Variants in PNPLA1 observed in about 807,000 individuals in gnomAD.
The protein encoded by PNPLA1 is patatin like domain 1, omega-hydroxyceramide transacylase.
Under a neutral mutation model 51.7 loss-of-function variants are expected in PNPLA1, and 36 were observed. The observed-to-expected ratio is 0.70, with a 90% confidence interval of 0.53 to 0.92. The LOEUF is 0.92. Ranked by LOEUF, PNPLA1 falls within the 40% of genes least tolerant of loss-of-function variation. The pLI, the probability that PNPLA1 is intolerant of heterozygous loss-of-function variation, is 0.00. For synonymous variants in PNPLA1, 293 were observed against 280.1 expected, an observed-to-expected ratio of 1.05 and a Z score of -0.46; for missense variants, 658 against 682.5, an observed-to-expected ratio of 0.96 and a Z score of 0.40.
At chr6:36,252,536 A>AG (rs1449018858) in intron 1 of PNPLA1, among the ~76,000 whole-genome samples, 1 of 53,862 alleles carries the variant, frequency 1.9e-5, no homozygotes, top group Non-Finnish European at 3.4e-5. Context: ...ACATGGCAAA[A>AG]GGGGTCAAAA....
chr6:36,288,546 G>A (rs1003283631), intron 1 of PNPLA1, among the ~76,000 whole-genome samples: 7 of 149,494 alleles, frequency 4.7e-5, no homozygotes, highest in Non-Finnish European at 1.0e-4. Context: ...TCCGCTTCCC[G>A]GGTTCACGCC....
rs371798176 is a variant in PNPLA1 at position 36,261,411 on chromosome 6, A to G, written c.-81+18150A>G. Among the ~76,000 whole-genome samples the G allele has an allele frequency of 7.2e-4, 109 of 152,362 alleles. 3 individuals are homozygous for G. The South Asian group carries it at 0.022, about 30-fold the overall frequency. The stretch of plus-strand genomic sequence containing the variant: ...AGGCACAGAAGTGCTCCCATCCCCT[A>G]AAGAGCCTCTGAGGACAGTCTGGGC... On this transcript the variant is annotated intron_variant, in intron 1 of 7. Coordinates refer to the PNPLA1 transcript ENST00000312917.
intron 1 of PNPLA1, among the ~76,000 whole-genome samples, chr6:36,250,419 A>G (rs911306571): frequency 3.3e-5 from 5 of 152,212 alleles, no homozygotes; most frequent in Non-Finnish European, 7.3e-5. Flanking sequence ...GCTGGGTGAC[A>G]TTGCTGAGCA....
At chr6:36,248,102 C>T (rs763092603) in intron 1 of PNPLA1, among the ~76,000 whole-genome samples, 10 of 152,210 alleles carry the variant, frequency 6.6e-5, no homozygotes, top group Middle Eastern at 6.8e-3. Flanking sequence ...GTCACTTGCC[C>T]GATTGTCCAC....
chr6:36,291,896 C>A (rs1014563001), intron 2 of PNPLA1, among the ~76,000 whole-genome samples: 5 of 152,158 alleles, frequency 3.3e-5, no homozygotes, highest in African/African-American at 4.8e-5. Context: ...TGCCATGCAT[C>A]CCCCCAGAAT....
At chr6:36,302,636 G>A (rs1771100458) in intron 6 of PNPLA1, among the ~76,000 whole-genome samples, 167 bp downstream of exon 6, 1 of 152,254 alleles carries the variant, frequency 6.6e-6, no homozygotes, top group Non-Finnish European at 1.5e-5. Context: ...CAAGGGGGCA[G>A]TGTAATAGAC....
Position 36,294,759 on chromosome 6 carries a change from A to C in PNPLA1, c.714+360A>C, listed in dbSNP as rs1770806932. 6.6e-6 allele frequency among the ~76,000 whole-genome samples: 1 copy of C among 152,184 alleles called. No homozygotes were observed. Among genetic ancestry groups the C allele is most frequent in the Non-Finnish European group, 1.5e-5 (1 of 68,020 alleles). On this transcript the variant is annotated intron_variant, in intron 4 of 8. Coordinates refer to ENST00000636260, the MANE Select transcript of PNPLA1 (RefSeq NM_001374623.1). The surrounding 1 kb of genome is among the most constrained non-coding windows in gnomAD (Gnocchi z 4.2). ...ATGGCTTGTTTTTGTACAGCCTGTG[A>C]GCTAAGAAAGGGTTTTCCATTTTTA...
At chr6:36,283,078 G>A (rs566779731) in intron 1 of PNPLA1, among the ~76,000 whole-genome samples, 20 of 152,260 alleles carry the variant, frequency 1.3e-4, no homozygotes, top group South Asian at 1.0e-3. Flanking sequence ...AGAGCTCTGC[G>A]TATCCTTCAC....
At chr6:36,292,035 G>A (rs935650688) in intron 2 of PNPLA1, among the ~76,000 whole-genome samples, 1 of 152,170 alleles carries the variant, frequency 6.6e-6, no homozygotes, top group Non-Finnish European at 1.5e-5. Flanking sequence ...AAAAGTGCAC[G>A]CTAATCCTGA....
chr6:36,277,934 C>A (rs549345802), intron 1 of PNPLA1, among the ~76,000 whole-genome samples: 1 of 152,346 alleles, frequency 6.6e-6, no homozygotes, highest in Admixed American at 6.5e-5. Flanking sequence ...TCTGGCCCAC[C>A]AGCAGCTGCC....
rs1185357345 is a variant in PNPLA1, at chr6:36,311,921, G to A, written c.*35G>A. 1 of 152,610 alleles carries A rather than the reference G, an allele frequency of 6.6e-6. No homozygotes were observed. The highest frequency in any genetic ancestry group is 1.5e-5 in the Non-Finnish European group (1 of 68,044). The allele number at this position is 152,610 out of a possible 1,614,324, so 9.5% of individuals were successfully genotyped here. A position where few individuals can be genotyped will look rare whatever the true frequency, so the allele number is the denominator to read the frequency against. On this transcript the variant is annotated 3_prime_UTR_variant, in exon 9 of 9. Coordinates refer to ENST00000636260, the MANE Select transcript of PNPLA1 (RefSeq NM_001374623.1). Reference sequence around the variant, plus strand: ...GCAGATACTGCCTGTCCTGTTCTGGGATGCTGTGGTGACTCCTGGGTCTCA... The same window carrying A: ...GCAGATACTGCCTGTCCTGTTCTGGAATGCTGTGGTGACTCCTGGGTCTCA...
chr6:36,243,612 G>A (rs1024020290), intron 1 of PNPLA1, among the ~76,000 whole-genome samples: 13 of 152,182 alleles, frequency 8.5e-5, no homozygotes, highest in African/African-American at 2.2e-4. Flanking sequence ...ATAAAGGGAT[G>A]TGGGGTTCAG....
Position 36,270,454 on chromosome 6 carries a change from G to T in PNPLA1, c.-6G>T, listed in dbSNP as rs753611947. ...CGCCTTCCGCAGAAAGTCAGAGGCCGAGGAGATGGAAGAACAGGTGTTCAA... is the reference window on the plus strand; with the variant it reads ...CGCCTTCCGCAGAAAGTCAGAGGCCTAGGAGATGGAAGAACAGGTGTTCAA... On this transcript the variant is annotated 5_prime_UTR_variant, in exon 1 of 9. Transcript: ENST00000636260. 2 of 1,550,964 alleles carry T rather than the reference G, an allele frequency of 1.3e-6. No individual in the cohort carries two copies. Among genetic ancestry groups the T allele is most frequent in the Non-Finnish European group, 1.7e-6 (2 of 1,146,956 alleles).
At chr6:36,301,821 G>A (rs370317617) in intron 5 of PNPLA1, 40 bp from the exon 6 acceptor site, 80 of 1,586,198 alleles carry the variant, frequency 5.0e-5, no homozygotes, top group Non-Finnish European at 6.5e-5. Flanking sequence ...CCATGCTGCT[G>A]CCAGGGCTGA....
At chr6:36,277,089 C>CA (rs1313033779) in intron 1 of PNPLA1, among the ~76,000 whole-genome samples, 1 of 152,122 alleles carries the variant, frequency 6.6e-6, no homozygotes. Flanking sequence ...GGGCAGGAAC[C>CA]AAGGCTTCCA....
At chr6:36,257,815 A>C (rs144133138) in intron 1 of PNPLA1, among the ~76,000 whole-genome samples, 114 of 152,282 alleles carry the variant, frequency 7.5e-4, no homozygotes, top group African/African-American at 2.3e-3. Context: ...AATGTCAAGC[A>C]TCTTTGAACT....
intron 1 of PNPLA1, among the ~76,000 whole-genome samples, chr6:36,288,191 T>C (rs561685347): frequency 1.3e-5 from 2 of 152,362 alleles, no homozygotes; most frequent in East Asian, 1.9e-4. Context: ...ATAAAGAAGC[T>C]AGCATGAGAT....
In PNPLA1 at chr6:36,270,609, G is replaced by A. The variant is rs908305687; in HGVS notation, c.150G>A (p.Ala50=). 9.0e-6 allele frequency: 14 copies of A among 1,551,512 alleles called. No homozygotes were observed. The highest frequency in any genetic ancestry group is 1.2e-5 in the South Asian group (1 of 84,068). Residue 50 remains alanine (A), a synonymous_variant, in exon 1 of 9, where the codon GCG becomes GCA. Transcript: ENST00000636260. ...TGCTGGAAACAGCCCACCGCTTTGC[G>A]GGGACATCGGCAGGTGCTGTGATCG... ...PRMLETAHRF[A]GTSAGAVIAA... is the part of the protein sequence containing the mutation.
At chr6:36,299,333 C>CTTTTTTT (rs56352900) in intron 5 of PNPLA1, among the ~76,000 whole-genome samples, 1 of 142,344 alleles carries the variant, frequency 7.0e-6, no homozygotes, top group African/African-American at 2.7e-5. Context: ...GTTTTTTTGT[C>CTTTTTTT]TGTTTTTTTT....
Sources: gnomAD v4.1 joint callset for allele counts (sites outside exome capture counted in the v4.1 genomes callset) on GRCh38, gnomAD v4.1.1 for gene constraint, Gnocchi (gnomAD v3.1) non-coding constraint, MANE v1.5 for transcripts, NCBI Gene and HGNC (gene_info 2026-07-23, HGNC 2026-07-21) for gene names.